The following DDX23 variants were observed in gnomAD, a reference collection of about 807,000 sequenced individuals.
DDX23 encodes DEAD-box helicase 23.
Under a neutral mutation model 102.7 loss-of-function variants are expected in DDX23, and 33 were observed. The observed-to-expected ratio is 0.32, with a 90% CI of 0.24 to 0.43. DDX23 has a LOEUF of 0.43. DDX23 is among the 20% of genes least tolerant of loss of function. The pLI, the probability that DDX23 is intolerant of heterozygous loss-of-function variation, is 1.00. For missense variants in DDX23, 549 were observed against 1,086.6 expected (o/e 0.51, Z 6.96); for synonymous variants, 352 against 376.0 (o/e 0.94, Z 0.74).
chr12:48,831,758 T>A (rs1328372105), intron 15 of DDX23: 1 of 457,700 alleles, frequency 2.2e-6, no homozygotes, highest in Non-Finnish European at 3.9e-6. Flanking sequence ...CCTCTCAACG[T>A]ACCTAAGCAG....
rs1367755264 is a variant in DDX23, at chr12:48,836,218, G to A, written c.1285C>T (p.Arg429Cys). Residue 429 changes from arginine (R) to cysteine (C), a missense_variant, in exon 11 of 17, where the codon CGT becomes TGT. Arg to Cys is a radical substitution (Grantham distance 180, BLOSUM62 -3). Around this residue, in one of 4 missense-constraint regions of DDX23, gnomAD observed 270 missense variants for 707.0 expected, o/e 0.38. Coordinates refer to ENST00000308025, the MANE Select transcript of DDX23 (RefSeq NM_004818.3). The surrounding 1 kb of genome is among the most constrained non-coding windows in gnomAD (Gnocchi z 6.1). ...GTCTCAGCCACACCAATGATGTCAC[G>A]ATTCTGTAGCCCAATGGGAATTGCC... is the stretch of plus-strand genomic sequence containing the variant. ...RQAIPIGLQN[R>C]DIIGVAETGS... is the part of the protein sequence containing the mutation. The A allele has an allele frequency of 7.4e-6, 12 of 1,614,124 alleles. No homozygotes were observed. Among genetic ancestry groups the A allele is most frequent in the Non-Finnish European group, 1.0e-5 (12 of 1,180,022 alleles).
chr12:48,839,584 A>AG (rs1938516235), intron 5 of DDX23: 1 of 238,476 alleles, frequency 4.2e-6, no homozygotes, highest in African/African-American at 2.6e-5. Flanking sequence ...AAAAAAAAAA[A>AG]GGGCCTTTTA....
At chr12:48,850,011 G>A (rs1938731844) in intron 1 of DDX23, among the ~76,000 whole-genome samples, 2 of 152,362 alleles carry the variant, frequency 1.3e-5, no homozygotes, top group South Asian at 4.1e-4. Flanking sequence ...ACAGGTCAGA[G>A]TAGAGTTAAC....
At chr12:48,849,995 T>C (rs530517809) in intron 1 of DDX23, among the ~76,000 whole-genome samples, 2 of 152,286 alleles carry the variant, frequency 1.3e-5, no homozygotes, top group African/African-American at 4.8e-5. Flanking sequence ...ATAATGAAAA[T>C]GTGTTACAGG....
At chr12:48,841,458 T>A (rs935978904) in intron 3 of DDX23, among the ~76,000 whole-genome samples, 1 of 151,840 alleles carries the variant, frequency 6.6e-6, no homozygotes, top group Non-Finnish European at 1.5e-5. Context: ...CCCTCTCCCC[T>A]CTCCCCACGG....
Position 48,843,906 on chromosome 12 carries a change from T to C in DDX23, c.320+34A>G, listed in dbSNP as rs1260269440. 11 of 1,604,690 alleles carry C rather than the reference T, an allele frequency of 6.9e-6. No individual in the cohort carries two copies. In the East Asian group the frequency reaches 2.0e-4, roughly 29 times the overall value. On this transcript the variant is annotated intron_variant, in intron 3 of 16. Transcript: ENST00000308025. The stretch of plus-strand genomic sequence containing the variant: ...CAGGTGCAGAGAAGAAATGGGAGCA[T>C]TCCCCTAAAGCCCCCTCTCATTCCT...
intron 3 of DDX23, among the ~76,000 whole-genome samples, chr12:48,842,532 G>A (rs1202967410): frequency 3.3e-4 from 43 of 130,938 alleles, no homozygotes; most frequent in East Asian, 2.0e-3. Flanking sequence ...CAGCCGCCCC[G>A]TCCGGGAGGG....
intron 11 of DDX23, among the ~76,000 whole-genome samples, chr12:48,835,475 T>A (rs1484233921): frequency 3.3e-5 from 5 of 151,980 alleles, no homozygotes; most frequent in African/African-American, 1.2e-4. Flanking sequence ...TTTGGGAGGC[T>A]GAGGCAGGCA....
intron 3 of DDX23, among the ~76,000 whole-genome samples, chr12:48,843,288 G>A (rs565338517): frequency 6.8e-6 from 1 of 148,120 alleles, no homozygotes; most frequent in Non-Finnish European, 1.5e-5. Context: ...ACCCAAGAAT[G>A]ATCAATTAAA....
rs750158542 is a variant in DDX23 at position 48,845,738 on chromosome 12, A to G, written c.45T>C (p.Pro15=). The part of the protein sequence containing the change: ...LADKKDRDAS[P]SKEERKRSRT... ...GTGATCGCTTCCTTTCCTCCTTGGA[A>G]GGTGATGCATCACGGTCCTTTTTGT... The change falls in exon 2 of 17, where the codon CCT becomes CCC. Residue 15 remains proline, a synonymous_variant. Coordinates refer to ENST00000308025, the MANE Select transcript of DDX23 (RefSeq NM_004818.3). 15 of 1,614,038 alleles carry G rather than the reference A, an allele frequency of 9.3e-6. No homozygotes were observed. The Admixed American group carries it at 2.5e-4, about 27-fold the overall frequency.
chr12:48,838,017 C>G lies in DDX23; in HGVS notation c.544G>C (p.Glu182Gln). 6.2e-7 allele frequency: 1 copy of G among 1,614,212 alleles called. No homozygotes were observed. The highest frequency in any genetic ancestry group is 8.5e-7 in the Non-Finnish European group (1 of 1,180,044). ...TCTTCAAGCATCCTCTGCCGCTCTT[C>G]CACCTCCTGCTGCCGTCGCTTTAGA... The part of the protein sequence containing the change: ...EALKRRQQEV[E>Q]ERQRMLEEER... Residue 182 changes from glutamate to glutamine, a missense_variant, in exon 6 of 17, where the codon GAA (glutamate) becomes CAA (glutamine). Around this residue, in one of 4 missense-constraint regions of DDX23, gnomAD observed 241 missense variants for 267.0 expected, o/e 0.90. Transcript: ENST00000308025.
rs1300434747 is a variant in DDX23 at position 48,832,827 on chromosome 12, A to G, written c.1804-254T>C. The G allele has an allele frequency of 3.8e-6, 2 of 532,496 alleles. No individual in the cohort carries two copies. Among genetic ancestry groups the G allele is most frequent in the East Asian group, 3.3e-5 (1 of 30,566 alleles). The allele number at this position is 532,496 out of a possible 1,614,324, so 33.0% of individuals were successfully genotyped here. On this transcript the variant is annotated intron_variant, in intron 13 of 16. Coordinates refer to ENST00000308025, the MANE Select transcript of DDX23 (RefSeq NM_004818.3). The surrounding 1 kb of genome is among the most constrained non-coding windows in gnomAD (Gnocchi z 4.4). ...TAGCACCTGTGGTCCCGGTAGCAGC[A>G]TGAGTCTTTGGAATCGTTTTTCCAG... is the stretch of plus-strand genomic sequence containing the variant.
Position 48,837,522 on chromosome 12 carries a change from A to G in DDX23, c.753+2T>C. ...AAGTGAAGATGGAGCCAAGGCCTGC[A>G]CCTTAATGGCATGCAGTTCCTTGCT... is the stretch of plus-strand genomic sequence containing the variant. On this transcript the variant is annotated splice_donor_variant, in intron 7 of 16. Coordinates refer to ENST00000308025, the MANE Select transcript of DDX23 (RefSeq NM_004818.3). LOFTEE classifies it high-confidence loss of function. The G allele has an allele frequency of 6.2e-7, 1 of 1,614,108 alleles. No individual in the cohort carries two copies. Among genetic ancestry groups the G allele is most frequent in the Non-Finnish European group, 8.5e-7 (1 of 1,180,010 alleles).
intron 3 of DDX23, among the ~76,000 whole-genome samples, chr12:48,843,107 G>A (rs1277356254): frequency 5.2e-4 from 77 of 148,850 alleles, no homozygotes; most frequent in Middle Eastern, 3.4e-3. Flanking sequence ...CAGCATGCTC[G>A]TTAAGAGTCA....
chr12:48,831,590 C>A (rs967951422), intron 15 of DDX23, among the ~76,000 whole-genome samples: 5 of 152,030 alleles, frequency 3.3e-5, no homozygotes, highest in Non-Finnish European at 7.4e-5. Flanking sequence ...GATGAAAAGT[C>A]CTCAAAGAGA....
intron 2 of DDX23, among the ~76,000 whole-genome samples, chr12:48,844,604 G>A (rs927030395): frequency 2.0e-5 from 3 of 149,510 alleles, no homozygotes; most frequent in Admixed American, 6.7e-5. Flanking sequence ...TTGATAACCC[G>A]GACCTTCACC....
intron 3 of DDX23, among the ~76,000 whole-genome samples, chr12:48,841,137 G>A (rs1000626166): frequency 5.9e-5 from 9 of 152,064 alleles, no homozygotes; most frequent in African/African-American, 1.9e-4. Flanking sequence ...TGTAATCCCA[G>A]CACTTTGAGA....
At chr12:48,831,050 C>G (rs1236720363) in intron 16 of DDX23, 92 bp downstream of exon 16, 11 of 1,438,822 alleles carry the variant, frequency 7.6e-6, no homozygotes, top group Non-Finnish European at 9.7e-6. Flanking sequence ...GAGGCAGTAA[C>G]AGCCTTCCAT....
At position 48,840,102 on chromosome 12, in the gene DDX23, A is replaced by G; in HGVS notation, c.325T>C (p.Ser109Pro). The change falls in exon 4 of 17, where the codon TCT (serine) becomes CCT (proline). Residue 109 changes from serine to proline, a missense_variant. Ser to Pro is a moderately conservative substitution (Grantham distance 74). This residue lies in a region of DDX23 where 241 missense variants were observed against 267.0 expected (regional missense o/e 0.90). Transcript: ENST00000308025. Reference sequence around the variant, plus strand: ...TTAAAGTCTTTTCCTCGACCAGGAGATAAGCTTTGAGGAAAAGGAACAAGG... The same window carrying G: ...TTAAAGTCTTTTCCTCGACCAGGAGGTAAGCTTTGAGGAAAAGGAACAAGG... Reference protein sequence around the residue: ...RDKDRKRSSLSPGRGKDFKSR... With the variant: ...RDKDRKRSSLPPGRGKDFKSR... The G allele has an allele frequency of 6.2e-7, 1 of 1,613,418 alleles. No homozygotes were observed. Among genetic ancestry groups the G allele is most frequent in the Non-Finnish European group, 8.5e-7 (1 of 1,179,428 alleles).
Sources: gnomAD v4.1 joint callset for allele counts (sites outside exome capture counted in the v4.1 genomes callset) on GRCh38, gnomAD v4.1.1 for gene constraint, gnomAD v4.1.1 regional missense constraint, Gnocchi (gnomAD v3.1) non-coding constraint, MANE v1.5 for transcripts, NCBI Gene and HGNC (gene_info 2026-07-23, HGNC 2026-07-21) for gene names.